The following NUP85 variants were observed in gnomAD, a reference collection of about 807,000 sequenced individuals.
NUP85 encodes nuclear pore complex protein Nup85.
Under a neutral mutation model 92.8 loss-of-function variants are expected in NUP85, and 23 were observed. The ratio of observed to expected loss-of-function variants is 0.25; its 90% confidence interval spans 0.18 to 0.35. NUP85 has a LOEUF of 0.35. Among genes scored for constraint, NUP85 ranks in the 10% least tolerant of loss-of-function variants. The probability of loss-of-function intolerance (pLI) is 1.00; values close to 1 mark genes in which losing one functional copy is unlikely to be tolerated. For synonymous variants in NUP85, 314 were observed against 306.9 expected (o/e 1.02, Z -0.24); for missense variants, 759 against 822.8 (o/e 0.92, Z 0.95).
Position 75,231,699 on chromosome 17 carries a change from G to C in NUP85, c.1244+61G>C. 1 of 1,606,978 alleles carries C rather than the reference G, an allele frequency of 6.2e-7. No homozygotes were observed. Among genetic ancestry groups the C allele is most frequent in the Non-Finnish European group, 8.5e-7 (1 of 1,174,008 alleles). On this transcript the variant is annotated intron_variant, in intron 13 of 18. Coordinates refer to ENST00000245544, the MANE Select transcript of NUP85 (RefSeq NM_024844.5). The surrounding 1 kb of genome is among the most constrained non-coding windows in gnomAD (Gnocchi z 4.6). ...GCTCTTCAGCATGCGGGTGCCATTG[G>C]AGCTTGGACTGTTCTCTCCCAGTTG... is the stretch of plus-strand genomic sequence containing the variant.
At chr17:75,215,695 C>T in intron 5 of NUP85, 59 bp from the exon 6 acceptor site, 1 of 1,502,670 alleles carries the variant, frequency 6.7e-7, no homozygotes, top group South Asian at 1.1e-5. Flanking sequence ...TATCCCTTGG[C>T]TCTGAGAGCA....
At chr17:75,208,299 G>T in intron 1 of NUP85, 6 of 394,188 alleles carry the variant, frequency 1.5e-5, no homozygotes, top group South Asian at 5.2e-5. Context: ...AAAAAAAATA[G>T]CCGGGTGTGG....
chr17:75,211,159 C>T (rs1036748871), intron 3 of NUP85, among the ~76,000 whole-genome samples: 6 of 150,988 alleles, frequency 4.0e-5, no homozygotes, highest in South Asian at 2.1e-4. Flanking sequence ...CGTGCCACCA[C>T]GCCTGGCTAA....
At position 75,234,801 on chromosome 17, in the gene NUP85, G is replaced by A; in HGVS notation, c.1767+13G>A. The A allele has an allele frequency of 6.2e-7, 1 of 1,614,048 alleles. No homozygotes were observed. Among genetic ancestry groups the A allele is most frequent in the East Asian group, 2.2e-5 (1 of 44,876 alleles). Reference sequence around the variant, plus strand: ...GGAACAGAAACAGGTGAAGGTTGCAGCAGCAGTGGTTTTCTTTGCTTGTCA... The same window carrying A: ...GGAACAGAAACAGGTGAAGGTTGCAACAGCAGTGGTTTTCTTTGCTTGTCA... On this transcript the variant is annotated intron_variant, in intron 17 of 18. Transcript: ENST00000245544.
Position 75,225,717 on chromosome 17 carries a change from C to T in NUP85, c.875C>T (p.Ala292Val), listed in dbSNP as rs1426288651. The T allele has an allele frequency of 6.2e-7, 1 of 1,614,080 alleles. No individual in the cohort carries two copies. Among genetic ancestry groups the T allele is most frequent in the African/African-American group, 1.3e-5 (1 of 74,928 alleles). The change falls in exon 10 of 19, where the codon GCT becomes GTT. Residue 292 changes from alanine to valine, a missense_variant. Ala to Val is a moderately conservative substitution (Grantham distance 64). Coordinates refer to ENST00000245544, the MANE Select transcript of NUP85 (RefSeq NM_024844.5). Reference sequence around the variant, plus strand: ...CCTCAGATTATGCTGGGAGACGAAGCTGCCTTGTTAGAGCAGAAGGAACTT... The same window carrying T: ...CCTCAGATTATGCTGGGAGACGAAGTTGCCTTGTTAGAGCAGAAGGAACTT... ...SLLKIMLGDEAALLEQKELLS... is the reference protein window; with the variant it reads ...SLLKIMLGDEVALLEQKELLS...
rs930389143 is a variant in NUP85, at chr17:75,205,919, G to A, written c.33+125G>A. ...CTCGTCCCCTTCCCTCGACTCAGTT[G>A]CCACTTTTCCGGAGGTCGCAGTGTT... On this transcript the variant is annotated intron_variant, in intron 1 of 18. Transcript: ENST00000245544. The A allele has an allele frequency of 1.5e-5, 17 of 1,136,646 alleles. No individual in the cohort carries two copies. The African/African-American group carries it at 2.6e-4, about 18-fold the overall frequency. 70.4% of individuals were successfully genotyped at this position (1,136,646 alleles called of 1,614,324 possible). A position where few individuals can be genotyped will look rare whatever the true frequency, so the allele number is the denominator to read the frequency against.
At chr17:75,214,656 C>T (rs767371179) in intron 5 of NUP85, among the ~76,000 whole-genome samples, 6 of 150,382 alleles carry the variant, frequency 4.0e-5, no homozygotes, top group Non-Finnish European at 7.4e-5. Context: ...GTTAGGAGTT[C>T]GAAACTAGCC....
At chr17:75,207,042 A>G (rs903418329) in intron 1 of NUP85, among the ~76,000 whole-genome samples, 1 of 151,928 alleles carries the variant, frequency 6.6e-6, no homozygotes, top group African/African-American at 2.4e-5. Context: ...ATAAGCTGGT[A>G]GTTGACATTG....
Position 75,213,100 on chromosome 17 carries a change from G to T in NUP85, c.386G>T (p.Gly129Val), listed in dbSNP as rs1263762754. Residue 129 changes from glycine to valine, a missense_variant, in exon 5 of 19, where the codon GGC becomes GTC. By Grantham distance (109) the Gly-to-Val change is moderately radical (BLOSUM62 -3). Transcript: ENST00000245544. ...VAIAAKDPANGRQFSSQVSIL... is the reference protein window; with the variant it reads ...VAIAAKDPANVRQFSSQVSIL... Reference sequence around the variant, plus strand: ...GTTGCTGCTAAAGATCCAGCCAATGGCCGCCAGTTCAGCAGCCAGGTAAGG... The same window carrying T: ...GTTGCTGCTAAAGATCCAGCCAATGTCCGCCAGTTCAGCAGCCAGGTAAGG... 6.2e-7 allele frequency: 1 copy of T among 1,613,576 alleles called. No individual in the cohort carries two copies. Among genetic ancestry groups the T allele is most frequent in the Non-Finnish European group, 8.5e-7 (1 of 1,179,820 alleles).
intron 7 of NUP85, among the ~76,000 whole-genome samples, chr17:75,219,102 G>A (rs960010488): frequency 4.6e-5 from 7 of 152,170 alleles, no homozygotes; most frequent in Non-Finnish European, 1.0e-4. Context: ...GCAGGGAGGA[G>A]ATCGCTAGTT....
At chr17:75,208,233 T>C (rs923477831) in intron 1 of NUP85, 1 of 292,566 alleles carries the variant, frequency 3.4e-6, no homozygotes, top group South Asian at 6.0e-5. Flanking sequence ...CTCAGGAGTT[T>C]GTGACCAGCC....
chr17:75,209,174 G>C (rs140423260), intron 2 of NUP85, among the ~76,000 whole-genome samples: 7 of 152,056 alleles, frequency 4.6e-5, no homozygotes, highest in Admixed American at 3.3e-4. Flanking sequence ...CCTATCAGTA[G>C]CTCCCTTATT....
At chr17:75,228,171 A>C in intron 11 of NUP85, 1 of 984,966 alleles carries the variant, frequency 1.0e-6, no homozygotes, top group Non-Finnish European at 1.2e-6. Context: ...TTTAGGAATA[A>C]AACAGATTTG....
rs117659769 is a variant in NUP85 at position 75,210,140 on chromosome 17, G to A, written c.290+155G>A. ...CATGAGTACTGGACAGTGTACATTA[G>A]CAGTGATGGGAAGACTTAGCGGGAA... On this transcript the variant is annotated intron_variant, in intron 3 of 18. Coordinates refer to ENST00000245544, the MANE Select transcript of NUP85 (RefSeq NM_024844.5). Among the ~76,000 whole-genome samples, 1,512 of 152,294 alleles carry A rather than the reference G, an allele frequency of 9.9e-3. 15 individuals are homozygous for A. The highest frequency in any genetic ancestry group is 0.02 in the Middle Eastern group (6 of 294).
Position 75,225,235 on chromosome 17 carries a change from A to G in NUP85, c.730A>G (p.Ser244Gly). ...CCTGATGAGGACAATGCCCATTCTT[A>G]GTGTACGTGGGGGTAGCTTTGCTCT... ...GDLMRTMPIL[S>G]PGNTQTLTEL... The change falls in exon 8 of 19, where the codon AGT becomes GGT. Residue 244 changes from serine (S) to glycine (G), a missense_variant and splice_region_variant. Transcript: ENST00000245544. 1 of 1,604,516 alleles carries G rather than the reference A, an allele frequency of 6.2e-7. No individual in the cohort carries two copies. Among genetic ancestry groups the G allele is most frequent in the South Asian group, 1.1e-5 (1 of 90,060 alleles).
chr17:75,232,579 G>A (rs1379064237), intron 14 of NUP85, among the ~76,000 whole-genome samples: 2 of 152,158 alleles, frequency 1.3e-5, no homozygotes, highest in Non-Finnish European at 2.9e-5. Flanking sequence ...AAAAATAGAA[G>A]AGCTGACATG....
At chr17:75,233,016 G>A (rs1395966481) in intron 15 of NUP85, 42 bp from the exon 16 acceptor site, 10 of 1,613,022 alleles carry the variant, frequency 6.2e-6, no homozygotes, top group African/African-American at 1.3e-5. Flanking sequence ...GGTTGAGGTG[G>A]GCCTGAGACT....
intron 11 of NUP85, chr17:75,228,812 A>G: frequency 8.1e-6 from 8 of 985,488 alleles, no homozygotes; most frequent in Non-Finnish European, 9.6e-6. Flanking sequence ...TAATCGTGCC[A>G]GACCCTAAGG....
Position 75,215,819 on chromosome 17 carries a change from C to T in NUP85, c.471C>T (p.Ala157=). The change falls in exon 6 of 19, where the codon GCC becomes GCT. Residue 157 remains alanine (A), a synonymous_variant. Transcript: ENST00000245544. The part of the protein sequence containing the change: ...NLCEILFIEV[A]PAGPLLLHLL... ...GTGAGATTCTTTTTATTGAAGTGGCCCCAGGTAGGCATGGAATATCTCACC... is the reference window on the plus strand; with the variant it reads ...GTGAGATTCTTTTTATTGAAGTGGCTCCAGGTAGGCATGGAATATCTCACC... 12 of 1,613,558 alleles carry T rather than the reference C, an allele frequency of 7.4e-6. No homozygotes were observed. The highest frequency in any genetic ancestry group is 1.0e-5 in the Non-Finnish European group (12 of 1,179,524).
Sources: gnomAD v4.1 joint callset for allele counts (sites outside exome capture counted in the v4.1 genomes callset) on GRCh38, gnomAD v4.1.1 for gene constraint, Gnocchi (gnomAD v3.1) non-coding constraint, MANE v1.5 for transcripts, NCBI Gene and HGNC (gene_info 2026-07-23, HGNC 2026-07-21) for gene names.